Variants in DNAH11 observed in about 807,000 individuals in gnomAD.
The protein encoded by DNAH11 is axonemal beta dynein heavy chain 11.
A neutral mutation model predicts 526.0 loss-of-function variants in DNAH11; 442 were observed. The ratio of observed to expected loss-of-function variants is 0.84; its 90% CI spans 0.78 to 0.91. The LOEUF is 0.91. Ranked by LOEUF, DNAH11 falls within the 40% of genes least tolerant of loss-of-function variation. The probability of loss-of-function intolerance (pLI) is 0.00; values close to 1 mark genes in which losing one functional copy is unlikely to be tolerated. For synonymous variants in DNAH11, 2,461 were observed against 1,935.9 expected (o/e 1.27, Z -7.12); for missense variants, 6,989 against 5,448.7 (o/e 1.28, Z -8.90).
intron 6 of DNAH11, among the ~76,000 whole-genome samples, chr7:21,569,200 C>G (rs1156583543): frequency 2.0e-5 from 3 of 152,160 alleles, no homozygotes; most frequent in Non-Finnish European, 4.4e-5. Flanking sequence ...CTATTTTGAA[C>G]TCAGGGCTTT....
intron 2 of DNAH11, among the ~76,000 whole-genome samples, chr7:21,555,579 G>C (rs1377996586): frequency 6.6e-6 from 1 of 152,156 alleles, no homozygotes; most frequent in Non-Finnish European, 1.5e-5. Flanking sequence ...CTCCGCACTT[G>C]CTTCATATCT....
intron 38 of DNAH11, 98 bp from the exon 39 acceptor site, chr7:21,705,362 C>T: frequency 8.4e-7 from 1 of 1,189,310 alleles, no homozygotes; most frequent in Non-Finnish European, 1.2e-6. Context: ...TGGGGGCTGG[C>T]TTGGGTGTAA....
In DNAH11 at chr7:21,742,052, C is replaced by T. The variant is rs1292903570; in HGVS notation, c.8040C>T (p.Pro2680=). ...AFAPSILRSG[P]TLIQATIAFH... ...CTCCATCAATTCTCAGGAGTGGCCC[C>T]ACTTTGATCCAGGCAACAATAGCAT... The change falls in exon 49 of 82, where the codon CCC becomes CCT. Residue 2680 remains proline, a synonymous_variant. Coordinates refer to ENST00000409508, the MANE Select transcript of DNAH11 (RefSeq NM_001277115.2). 4.3e-6 allele frequency: 7 copies of T among 1,613,860 alleles called. No individual in the cohort carries two copies. In the African/African-American group the frequency reaches 6.7e-5, roughly 15 times the overall value.
intron 65 of DNAH11, among the ~76,000 whole-genome samples, chr7:21,835,386 T>G (rs1455868353): frequency 6.6e-6 from 1 of 151,952 alleles, no homozygotes; most frequent in East Asian, 1.9e-4. Context: ...CAATCAAAAT[T>G]CAACAGCACA....
chr7:21,859,719 T>C (rs992254106), intron 68 of DNAH11, among the ~76,000 whole-genome samples: 6 of 152,052 alleles, frequency 3.9e-5, no homozygotes, highest in Non-Finnish European at 8.8e-5. Flanking sequence ...TTTATATATA[T>C]AGATATATTT....
At chr7:21,720,032 G>A (rs1784815638) in intron 43 of DNAH11, among the ~76,000 whole-genome samples, 1 of 152,218 alleles carries the variant, frequency 6.6e-6, no homozygotes, top group African/African-American at 2.4e-5. Flanking sequence ...CTAGGTACAT[G>A]AGGACCGCCC....
chr7:21,687,567 A>C (rs772592656), intron 34 of DNAH11, 40 bp downstream of exon 34: 64 of 1,596,718 alleles, frequency 4.0e-5, no homozygotes, highest in Non-Finnish European at 5.5e-5. Flanking sequence ...CAAATAGAAA[A>C]ACATGGAATA....
rs915058446 is a variant in DNAH11 at position 21,853,262 on chromosome 7, G to T, written c.11061+631G>T. On this transcript the variant is annotated intron_variant, in intron 67 of 81. Coordinates refer to ENST00000409508, the MANE Select transcript of DNAH11 (RefSeq NM_001277115.2). ...TAACCCTTAAAATGCCATTGTTTCA[G>T]TGTGAATTAGACCCTTATTTGCTTT... is the stretch of plus-strand genomic sequence containing the variant. Among the ~76,000 whole-genome samples, 2 of 152,300 alleles carry T rather than the reference G, an allele frequency of 1.3e-5. 1 individual carries two copies. Among genetic ancestry groups the T allele is most frequent in the South Asian group, 4.1e-4 (2 of 4,828 alleles).
At chr7:21,897,378 C>T (rs1784554729) in intron 79 of DNAH11, among the ~76,000 whole-genome samples, 1 of 152,092 alleles carries the variant, frequency 6.6e-6, no homozygotes, top group South Asian at 2.1e-4. Context: ...CAGTTGGAGG[C>T]CTTTGTAGCC....
chr7:21,604,931 G>T (rs1364542632), intron 18 of DNAH11, among the ~76,000 whole-genome samples: 1 of 152,112 alleles, frequency 6.6e-6, no homozygotes, highest in East Asian at 1.9e-4. Flanking sequence ...AAGGACAAAG[G>T]GGTTTAAAGC....
intron 31 of DNAH11, among the ~76,000 whole-genome samples, chr7:21,682,046 G>A (rs1783164100): frequency 6.6e-6 from 1 of 152,134 alleles, no homozygotes; most frequent in African/African-American, 2.4e-5. Flanking sequence ...GTAAGATTAT[G>A]TGTATGTGAT....
At chr7:21,687,334 G>A (rs1432803994) in intron 33 of DNAH11, 48 bp from the exon 34 acceptor site, 29 of 1,577,508 alleles carry the variant, frequency 1.8e-5, no homozygotes, top group Middle Eastern at 1.7e-4. Context: ...ATATAATAGC[G>A]TAAAAACCCC....
chr7:21,815,575 G>A (rs1789745234), intron 63 of DNAH11, among the ~76,000 whole-genome samples: 1 of 152,092 alleles, frequency 6.6e-6, no homozygotes, highest in Non-Finnish European at 1.5e-5. Context: ...ACTACAGGTA[G>A]GGTTCTTACT....
chr7:21,762,554 T>C (rs1355993241), intron 54 of DNAH11, among the ~76,000 whole-genome samples: 1 of 152,134 alleles, frequency 6.6e-6, no homozygotes, highest in East Asian at 1.9e-4. Context: ...AACCCAAGAA[T>C]TGAGATATAG....
chr7:21,711,152 A>G (rs139554683), intron 41 of DNAH11, among the ~76,000 whole-genome samples: 26 of 152,336 alleles, frequency 1.7e-4, no homozygotes, highest in African/African-American at 5.3e-4. Context: ...CAGCATTCCC[A>G]GCAAAAACAA....
At chr7:21,789,820 C>CTTTT (rs1243823071) in intron 61 of DNAH11, among the ~76,000 whole-genome samples, 1 of 85,928 alleles carries the variant, frequency 1.2e-5, no homozygotes, top group Non-Finnish European at 2.6e-5. Context: ...TTCTTTCTTT[C>CTTTT]TTTCTTTCTT....
rs1482973839 is a variant in DNAH11, at chr7:21,748,727, A to T, written c.8658A>T (p.Gly2886=). The part of the protein sequence containing the change: ...VFQITLTEGY[G]IQELRVDLAN... ...AGATCACTCTGACCGAGGGCTATGG[A>T]ATCCAGGAACTTCGGGTGAGTCAAG... The change falls in exon 52 of 82, where the codon GGA becomes GGT. Residue 2886 remains glycine (G), a synonymous_variant. Transcript: ENST00000409508. 2 of 1,612,986 alleles carry T rather than the reference A, an allele frequency of 1.2e-6. No homozygotes were observed. Among genetic ancestry groups the T allele is most frequent in the South Asian group, 2.2e-5 (2 of 90,900 alleles).
Position 21,619,236 on chromosome 7 carries a change from G to T in DNAH11, c.4377+14G>T, listed in dbSNP as rs537259426. ...GGGACTGAGAAGGTAGTGTCCTCGG[G>T]ACTGGGTCATTTCTACTTGGCTAAT... On this transcript the variant is annotated intron_variant, in intron 24 of 81. Coordinates refer to ENST00000409508, the MANE Select transcript of DNAH11 (RefSeq NM_001277115.2). 3.7e-5 allele frequency: 59 copies of T among 1,607,962 alleles called. No homozygotes were observed. The South Asian group carries it at 6.5e-4, about 18-fold the overall frequency.
intron 74 of DNAH11, among the ~76,000 whole-genome samples, chr7:21,874,677 GTATATATACA>G (rs1562597485): frequency 3.3e-5 from 5 of 151,304 alleles, no homozygotes; most frequent in African/African-American, 7.3e-5. Context: ...AAATACATAC[GTATATATACA>G]TATATATACA....
Sources: allele counts gnomAD v4.1 joint callset (sites outside exome capture counted in the v4.1 genomes callset), GRCh38; gene constraint gnomAD v4.1.1; transcripts MANE v1.5; gene names NCBI Gene and HGNC (gene_info 2026-07-23, HGNC 2026-07-21).